The following ACSS3 variants were observed in gnomAD, a reference collection of about 807,000 sequenced individuals.
ACSS3 encodes the protein acyl-CoA synthetase short chain family member 3.
ACSS3 carries 64 observed loss-of-function variants against 84.2 expected under a neutral mutation model. The ratio of observed to expected loss-of-function variants is 0.76; its 90% confidence interval spans 0.62 to 0.94. The LOEUF (loss-of-function observed/expected upper bound fraction) is 0.94, where lower values mean the gene tolerates loss of function less well. Ranked by LOEUF, ACSS3 falls within the 40% of genes least tolerant of loss-of-function variation. ACSS3 has a pLI of 0.00. For synonymous variants in ACSS3, 317 were observed against 310.1 expected (o/e 1.02, Z -0.23); for missense variants, 815 against 867.6 (o/e 0.94, Z 0.76).
intron 5 of ACSS3, among the ~76,000 whole-genome samples, chr12:81,149,323 G>A (rs532943579): frequency 1.6e-4 from 25 of 152,042 alleles, no homozygotes; most frequent in African/African-American, 5.8e-4. Context: ...TTTCTCTTTT[G>A]CATTTTAATT....
rs1019502101 is a variant in ACSS3 at position 81,174,912 on chromosome 12, C to G, written c.1223C>G (p.Ala408Gly). The G allele has an allele frequency of 3.1e-6, 5 of 1,613,738 alleles. No individual in the cohort carries two copies. In the African/African-American group the frequency reaches 6.7e-5, roughly 22 times the overall value. The change falls in exon 8 of 16, where the codon GCT becomes GGT. Residue 408 changes from alanine (A) to glycine (G), a missense_variant. Transcript: ENST00000548058. ...ATCCGTCAACAGGACCCTGGGGCAG[C>G]TTTGGGGAAGCAGTACTCTCTGACA... ...RAIRQQDPGA[A>G]LGKQYSLTRF...
At chr12:81,094,184 CTGTGTGTG>C (rs34746505) in intron 1 of ACSS3, among the ~76,000 whole-genome samples, 3 of 146,668 alleles carry the variant, frequency 2.0e-5, no homozygotes, top group Admixed American at 6.9e-5. Context: ...GTCTCTCTCT[CTGTGTGTG>C]TGTGTGTGTG....
chr12:81,200,338 T>C (rs2032043121), intron 9 of ACSS3, among the ~76,000 whole-genome samples: 1 of 152,220 alleles, frequency 6.6e-6, no homozygotes, highest in South Asian at 2.1e-4. Flanking sequence ...TCCCACTTAG[T>C]TCAATGAATT....
chr12:81,213,442 C>T (rs113056177), intron 9 of ACSS3, among the ~76,000 whole-genome samples: 9 of 152,152 alleles, frequency 5.9e-5, no homozygotes, highest in East Asian at 1.9e-4. Context: ...ACAACAACTA[C>T]GGTCTTTTTC....
intron 2 of ACSS3, among the ~76,000 whole-genome samples, chr12:81,117,249 T>C (rs757047950): frequency 6.6e-6 from 1 of 152,320 alleles, no homozygotes; most frequent in Admixed American, 6.5e-5. Context: ...TTGACACTAC[T>C]AGAGACACCA....
intron 1 of ACSS3, among the ~76,000 whole-genome samples, chr12:81,102,802 C>G (rs962314526): frequency 2.0e-5 from 3 of 151,498 alleles, no homozygotes; most frequent in African/African-American, 7.3e-5. Context: ...GCACTCCAGC[C>G]TGGCAACAGA....
At chr12:81,083,274 A>G (rs569731755) in intron 1 of ACSS3, among the ~76,000 whole-genome samples, 1 of 152,312 alleles carries the variant, frequency 6.6e-6, no homozygotes, top group Non-Finnish European at 1.5e-5. Context: ...TGTTTGACCT[A>G]CAAGTTTTGT....
At chr12:81,150,652 G>C (rs1292430655) in intron 5 of ACSS3, among the ~76,000 whole-genome samples, 3 of 152,172 alleles carry the variant, frequency 2.0e-5, no homozygotes, top group Non-Finnish European at 2.9e-5. Flanking sequence ...TCTGATATTT[G>C]CTAAGAGACC....
At chr12:81,145,742 A>G (rs1405840399) in intron 5 of ACSS3, among the ~76,000 whole-genome samples, 4 of 152,206 alleles carry the variant, frequency 2.6e-5, no homozygotes, top group South Asian at 2.1e-4. Flanking sequence ...AGTCTTTGAC[A>G]TACTCATCAT....
At chr12:81,102,023 T>G (rs954402398) in intron 1 of ACSS3, among the ~76,000 whole-genome samples, 1 of 147,662 alleles carries the variant, frequency 6.8e-6, no homozygotes, top group South Asian at 2.2e-4. Flanking sequence ...TGGCTTTATA[T>G]TCTCTTCTAT....
At chr12:81,155,485 A>T (rs1886816892) in intron 7 of ACSS3, among the ~76,000 whole-genome samples, 1 of 152,166 alleles carries the variant, frequency 6.6e-6, no homozygotes, top group South Asian at 2.1e-4. Context: ...CTGTATCTCC[A>T]CCCCACCCTG....
rs1277013420 is a variant in ACSS3, at chr12:81,255,144, G to C, written c.*222G>C. ...ATTGTTATTAGTTATCTATAACATG[G>C]CTTATTGAATGTCATCTACTGCTTT... is the stretch of plus-strand genomic sequence containing the variant. On this transcript the variant is annotated 3_prime_UTR_variant, in exon 16 of 16. Coordinates refer to ENST00000548058, the MANE Select transcript of ACSS3 (RefSeq NM_024560.4). 2.5e-6 allele frequency: 1 copy of C among 392,868 alleles called. No homozygotes were observed. Among genetic ancestry groups the C allele is most frequent in the Non-Finnish European group, 4.5e-6 (1 of 221,810 alleles). The allele number at this position is 392,868 out of a possible 1,614,324, so 24.3% of individuals were successfully genotyped here.
rs1565724173 is a variant in ACSS3, at chr12:81,213,944, TC to T, written c.1355-2956del. Among the ~76,000 whole-genome samples the T allele has an allele frequency of 3.4e-3, 246 of 72,328 alleles. 12 individuals carry two copies. Among genetic ancestry groups the T allele is most frequent in the Non-Finnish European group, 6.0e-3 (192 of 31,892 alleles). The allele number at this position is 72,328 out of a possible 152,430, so 47.4% of individuals were successfully genotyped here. A position where few individuals can be genotyped will look rare whatever the true frequency, so the allele number is the denominator to read the frequency against. ...TCCTTCCTTCCTTCCTTTCTCTCTC[TC>T]TCTCCCTCTCTCTCTTTCTTTCTTT... On this transcript the variant is annotated intron_variant, in intron 9 of 15. Transcript: ENST00000548058.
chr12:81,184,573 A>G (rs1002753615), intron 8 of ACSS3, among the ~76,000 whole-genome samples: 1 of 151,860 alleles, frequency 6.6e-6, no homozygotes, highest in South Asian at 2.1e-4. Flanking sequence ...AATAAAATCA[A>G]AAATAAAAGT....
intron 9 of ACSS3, among the ~76,000 whole-genome samples, chr12:81,200,702 C>T (rs2032057026): frequency 6.7e-6 from 1 of 149,936 alleles, no homozygotes; most frequent in African/African-American, 2.5e-5. Flanking sequence ...GAGTTACAGA[C>T]CAGCCTGGCC....
rs1231095368 is a variant in ACSS3, at chr12:81,260,360, G to T, written c.*5438G>T. On this transcript the variant is annotated 3_prime_UTR_variant, in exon 16 of 16. Coordinates refer to ENST00000548058, the MANE Select transcript of ACSS3 (RefSeq NM_024560.4). ...ATGCACAAAAAACAGATTGCAAATA[G>T]AGTAACTCTACCCATCACTTAAGAG... is the stretch of plus-strand genomic sequence containing the variant. 1 of 152,154 alleles carries T rather than the reference G, an allele frequency of 6.6e-6. No homozygotes were observed. The highest frequency in any genetic ancestry group is 1.5e-5 in the Non-Finnish European group (1 of 68,014). 9.4% of individuals were successfully genotyped at this position (152,154 alleles called of 1,614,324 possible). A position where few individuals can be genotyped will look rare whatever the true frequency, so the allele number is the denominator to read the frequency against.
chr12:81,079,451 T>A (rs1880832879), intron 1 of ACSS3, among the ~76,000 whole-genome samples: 1 of 152,126 alleles, frequency 6.6e-6, no homozygotes, highest in African/African-American at 2.4e-5. Context: ...AGGTTTGCAG[T>A]GGACGAATGG....
rs190107733 is a variant in ACSS3 at position 81,201,328 on chromosome 12, G to A, written c.1354+1884G>A. 1.5e-3 allele frequency among the ~76,000 whole-genome samples: 236 copies of A among 152,278 alleles called. 2 individuals are homozygous for A. Among genetic ancestry groups the A allele is most frequent in the Middle Eastern group, 6.8e-3 (2 of 294 alleles). ...ATGGGGGACTACTTTCCACACAAACGTGACCCGACACAAACGCTTGCAGAA... is the reference window on the plus strand; with the variant it reads ...ATGGGGGACTACTTTCCACACAAACATGACCCGACACAAACGCTTGCAGAA... On this transcript the variant is annotated intron_variant, in intron 9 of 15. Coordinates refer to ENST00000548058, the MANE Select transcript of ACSS3 (RefSeq NM_024560.4).
At chr12:81,091,047 TTATTA>T (rs1881637112) in intron 1 of ACSS3, among the ~76,000 whole-genome samples, 1 of 152,086 alleles carries the variant, frequency 6.6e-6, no homozygotes, top group African/African-American at 2.4e-5. Flanking sequence ...TATTTTTTAA[TTATTA>T]TATTGTTATT....
Sources: gnomAD v4.1 joint callset for allele counts (sites outside exome capture counted in the v4.1 genomes callset) on GRCh38, gnomAD v4.1.1 for gene constraint, MANE v1.5 for transcripts, NCBI Gene and HGNC (gene_info 2026-07-23, HGNC 2026-07-21) for gene names.